The following SCAF8 variants were observed in gnomAD, a reference collection of about 807,000 sequenced individuals.
SCAF8 encodes the protein SR-related and CTD-associated factor 8.
SCAF8 carries 23 observed loss-of-function variants against 140.5 expected under a neutral mutation model. The ratio of observed to expected loss-of-function variants is 0.16; its 90% CI spans 0.12 to 0.23. The LOEUF (loss-of-function observed/expected upper bound fraction) is 0.23. Among genes scored for constraint, SCAF8 ranks in the 10% least tolerant of loss-of-function variants. The probability of loss-of-function intolerance (pLI) is 1.00; values close to 1 mark genes in which losing one functional copy is unlikely to be tolerated. For missense variants in SCAF8, 1,397 were observed against 1,555.7 expected (o/e 0.90, Z 1.72); for synonymous variants, 575 against 528.9 (o/e 1.09, Z -1.20).
In SCAF8 at chr6:154,733,927, C is replaced by G. The variant is rs767319097; in HGVS notation, c.27C>G (p.Ser9Arg). The stretch of plus-strand genomic sequence containing the variant: ...TGGAGGCCGTGAAGACCTTCAATAG[C>G]GAGGTTGGTATGGCAGCCGGGTTCC... MEAVKTFN[S>R]ELYSLNDYKP... Residue 9 changes from serine to arginine, a missense_variant, in exon 1 of 20, where the codon AGC becomes AGG. Coordinates refer to ENST00000367178, the MANE Select transcript of SCAF8 (RefSeq NM_014892.5). The G allele has an allele frequency of 1.3e-6, 2 of 1,534,888 alleles. No individual in the cohort carries two copies. Among genetic ancestry groups the G allele is most frequent in the Non-Finnish European group, 1.7e-6 (2 of 1,147,884 alleles).
chr6:154,826,973 T>G (rs894171196), intron 17 of SCAF8, among the ~76,000 whole-genome samples, 199 bp from the exon 18 acceptor site: 1 of 152,184 alleles, frequency 6.6e-6, no homozygotes, highest in Non-Finnish European at 1.5e-5. Context: ...AATCAGGACC[T>G]CTTTGCTTTA....
intron 14 of SCAF8, 107 bp downstream of exon 14, chr6:154,818,699 G>A (rs1311910920): frequency 2.2e-5 from 11 of 502,642 alleles, no homozygotes; most frequent in Admixed American, 3.9e-5. Context: ...TTCTTTTATT[G>A]GATTATTAGA....
chr6:154,811,624 G>T (rs996507488), intron 12 of SCAF8, among the ~76,000 whole-genome samples: 1 of 151,888 alleles, frequency 6.6e-6, no homozygotes, highest in Non-Finnish European at 1.5e-5. Flanking sequence ...TACTATGTTG[G>T]TTTGCTGCAC....
chr6:154,826,745 G>A (rs12202939), intron 17 of SCAF8, among the ~76,000 whole-genome samples: 59,828 of 151,962 alleles, frequency 0.39, 14,462 homozygotes, highest in Non-Finnish European at 0.54. Flanking sequence ...TCATTAAAAA[G>A]CCAATATTAA....
intron 1 of SCAF8, among the ~76,000 whole-genome samples, chr6:154,765,482 AAC>A (rs1776535711): frequency 6.6e-6 from 1 of 152,230 alleles, no homozygotes; most frequent in Admixed American, 6.5e-5. Context: ...CACAATAGAA[AAC>A]AGTTTATTTT....
intron 1 of SCAF8, among the ~76,000 whole-genome samples, chr6:154,764,618 A>T (rs1248876607): frequency 6.6e-6 from 1 of 152,158 alleles, no homozygotes; most frequent in Non-Finnish European, 1.5e-5. Flanking sequence ...ACTTTGGAAA[A>T]CATGGCAGCA....
rs59257286 is a variant in SCAF8, at chr6:154,793,815, C to CAAA, written c.475+861_475+863dup. On this transcript the variant is annotated intron_variant, in intron 5 of 19. Transcript: ENST00000367178. ...GGGCAACAAGAGCAAAACTCTGTCT[C>CAAA]AAAAAAAAAAAAAAAAAAAAAAAAT... Among the ~76,000 whole-genome samples, 533 of 68,612 alleles carry CAAA rather than the reference C, an allele frequency of 7.8e-3. 6 individuals carry two copies. Among genetic ancestry groups the CAAA allele is most frequent in the African/African-American group, 0.012 (206 of 17,494 alleles). The allele number at this position is 68,612 out of a possible 152,430, so 45.0% of individuals were successfully genotyped here. A position where few individuals can be genotyped will look rare whatever the true frequency, so the allele number is the denominator to read the frequency against.
At chr6:154,815,240 T>C (rs1344800282) in intron 12 of SCAF8, among the ~76,000 whole-genome samples, 3 of 152,112 alleles carry the variant, frequency 2.0e-5, no homozygotes, top group African/African-American at 7.2e-5. Context: ...GAGCTTGCAG[T>C]GAGCCGAGAT....
chr6:154,776,303 A>G (rs78100403), intron 2 of SCAF8, among the ~76,000 whole-genome samples: 5 of 39,938 alleles, frequency 1.3e-4, no homozygotes, highest in Non-Finnish European at 1.8e-4. Context: ...ATATGTATAT[A>G]TATATATGTA....
chr6:154,777,198 A>G (rs1490201809), intron 2 of SCAF8, among the ~76,000 whole-genome samples: 3 of 152,200 alleles, frequency 2.0e-5, no homozygotes, highest in Non-Finnish European at 4.4e-5. Context: ...AAAAAAAAAA[A>G]AAGTATAAAG....
rs1483345483 is a variant in SCAF8, at chr6:154,834,171, A to G, written c.*776A>G. Reference sequence around the variant, plus strand: ...CTTTCTATCATAACAACAATGAACTATGTGGTGGAAAAAGCATGTACTTTG... The same window carrying G: ...CTTTCTATCATAACAACAATGAACTGTGTGGTGGAAAAAGCATGTACTTTG... On this transcript the variant is annotated 3_prime_UTR_variant, in exon 20 of 20. Coordinates refer to ENST00000367178, the MANE Select transcript of SCAF8 (RefSeq NM_014892.5). 1.3e-5 allele frequency: 2 copies of G among 152,214 alleles called. No homozygotes were observed. The highest frequency in any genetic ancestry group is 2.9e-5 in the Non-Finnish European group (2 of 68,016). The allele number at this position is 152,214 out of a possible 1,614,324, so 9.4% of individuals were successfully genotyped here. A position where few individuals can be genotyped will look rare whatever the true frequency, so the allele number is the denominator to read the frequency against.
chr6:154,795,710 TGTAGGA>T (rs1451888237), intron 6 of SCAF8, among the ~76,000 whole-genome samples: 1 of 152,164 alleles, frequency 6.6e-6, no homozygotes, highest in Non-Finnish European at 1.5e-5. Flanking sequence ...TGTGGTGTAT[TGTAGGA>T]ATAGAAGAAG....
chr6:154,817,488 A>G (rs886755275), intron 13 of SCAF8, among the ~76,000 whole-genome samples: 2 of 152,198 alleles, frequency 1.3e-5, no homozygotes, highest in Non-Finnish European at 2.9e-5. Flanking sequence ...TGGGGACTTC[A>G]AAGACAAAGT....
In SCAF8 at chr6:154,733,541, A is replaced by G. The variant is rs1391537406; in HGVS notation, c.-360A>G. The G allele has an allele frequency of 1.9e-5, 24 of 1,294,440 alleles. No homozygotes were observed. The highest frequency in any genetic ancestry group is 2.3e-5 in the Non-Finnish European group (24 of 1,021,642). 80.2% of individuals were successfully genotyped at this position (1,294,440 alleles called of 1,614,324 possible). A position where few individuals can be genotyped will look rare whatever the true frequency, so the allele number is the denominator to read the frequency against. On this transcript the variant is annotated 5_prime_UTR_variant, in exon 1 of 20. Coordinates refer to ENST00000367178, the MANE Select transcript of SCAF8 (RefSeq NM_014892.5). ...CCCGTCGGAGGAAGGGGCAGAAGGG[A>G]GTGGAGAGTGTAGGGGAAGGGGCTA...
intron 1 of SCAF8, among the ~76,000 whole-genome samples, chr6:154,762,593 G>T (rs1385099470): frequency 2.0e-5 from 3 of 152,070 alleles, no homozygotes; most frequent in African/African-American, 7.2e-5. Flanking sequence ...AGAAGTCTTG[G>T]GGGCCATCTT....
intron 3 of SCAF8, among the ~76,000 whole-genome samples, chr6:154,787,421 A>T (rs979390392): frequency 2.0e-5 from 3 of 152,198 alleles, no homozygotes; most frequent in African/African-American, 7.2e-5. Flanking sequence ...ACAATGTTAT[A>T]ATTTGCCATT....
intron 6 of SCAF8, among the ~76,000 whole-genome samples, chr6:154,800,362 T>G (rs146187273): frequency 5.9e-5 from 9 of 151,658 alleles, no homozygotes; most frequent in African/African-American, 2.2e-4. Context: ...ATTACAGTGT[T>G]GGAGATACAA....
chr6:154,740,625 CTTT>C (rs66980794), intron 1 of SCAF8, among the ~76,000 whole-genome samples: 2 of 138,514 alleles, frequency 1.4e-5, no homozygotes, highest in Non-Finnish European at 1.5e-5. Flanking sequence ...TTTTCTTTTT[CTTT>C]TTTTTTTTTT....
rs1778541133 is a variant in SCAF8 at position 154,740,578 on chromosome 6, A to G, written c.30+6648A>G. Reference sequence around the variant, plus strand: ...TTGGTTCATAGCACAGTATCTCAATATACAGTATATATGTGAAGTAAAGAT... The same window carrying G: ...TTGGTTCATAGCACAGTATCTCAATGTACAGTATATATGTGAAGTAAAGAT... On this transcript the variant is annotated intron_variant, in intron 1 of 19. Transcript: ENST00000367178. 2.6e-5 allele frequency among the ~76,000 whole-genome samples: 4 copies of G among 151,046 alleles called. No homozygotes were observed. The South Asian group carries it at 8.3e-4, about 31-fold the overall frequency.
Sources: gnomAD v4.1 joint callset for allele counts (sites outside exome capture counted in the v4.1 genomes callset) on GRCh38, gnomAD v4.1.1 for gene constraint, MANE v1.5 for transcripts, NCBI Gene and HGNC (gene_info 2026-07-23, HGNC 2026-07-21) for gene names.